SNTG1: variants seen among roughly 807,000 people sequenced by gnomAD.
SNTG1 encodes the protein syntrophin gamma 1.
In SNTG1, 39 loss-of-function variants were observed where a neutral mutation model predicts 74.7. That is an observed-to-expected ratio of 0.52 (90% confidence interval 0.40 to 0.68). SNTG1 has a LOEUF of 0.68. Ranked by LOEUF, SNTG1 falls within the 30% of genes least tolerant of loss-of-function variation. The pLI, the probability that SNTG1 is intolerant of heterozygous loss-of-function variation, is 0.00. For synonymous variants in SNTG1, 254 were observed against 217.1 expected, an observed-to-expected ratio of 1.17 and a Z score of -1.49; for missense variants, 685 against 609.5, an observed-to-expected ratio of 1.12 and a Z score of -1.30.
chr8:50,246,929 A>G (rs1563793764), intron 2 of SNTG1, among the ~76,000 whole-genome samples: 1 of 152,174 alleles, frequency 6.6e-6, no homozygotes. Context: ...CAATTCTTTA[A>G]GCAAATGCTT....
At chr8:50,690,014 A>G (rs1489186250) in intron 15 of SNTG1, among the ~76,000 whole-genome samples, 6 of 152,180 alleles carry the variant, frequency 3.9e-5, no homozygotes, top group Non-Finnish European at 8.8e-5. Context: ...CATTTCTTCT[A>G]GATTTTCTGA....
chr8:50,095,476 GGAAA>G (rs2079892754), intron 1 of SNTG1, among the ~76,000 whole-genome samples: 1 of 152,124 alleles, frequency 6.6e-6, no homozygotes, highest in South Asian at 2.1e-4. Context: ...GGCCTATTGA[GGAAA>G]AGGTAAAAGT....
At chr8:50,706,209 A>G (rs1362908964) in intron 16 of SNTG1, among the ~76,000 whole-genome samples, 19 of 152,142 alleles carry the variant, frequency 1.2e-4, no homozygotes, top group Admixed American at 1.2e-3. Context: ...ATGCACCTAA[A>G]AAGTCTTAAA....
rs1352101773 is a variant in SNTG1, at chr8:50,472,516, T to A, written c.363+21787T>A. ...CCATTGCATCATACCATATAAAAATTAACTCAAAATGGATGATTAAAGATC... is the reference window on the plus strand; with the variant it reads ...CCATTGCATCATACCATATAAAAATAAACTCAAAATGGATGATTAAAGATC... On this transcript the variant is annotated intron_variant, in intron 8 of 18. Coordinates refer to ENST00000642720, the MANE Select transcript of SNTG1 (RefSeq NM_018967.5). 2.0e-5 allele frequency among the ~76,000 whole-genome samples: 3 copies of A among 152,028 alleles called. No individual in the cohort carries two copies. The East Asian group carries it at 5.8e-4, about 29-fold the overall frequency.
At chr8:50,510,130 G>T (rs1448204502) in intron 9 of SNTG1, among the ~76,000 whole-genome samples, 1 of 152,146 alleles carries the variant, frequency 6.6e-6, no homozygotes, top group African/African-American at 2.4e-5. Context: ...ATGAAGGGTT[G>T]TTGAATTTTG....
intron 1 of SNTG1, among the ~76,000 whole-genome samples, chr8:49,953,226 T>C (rs917590637): frequency 6.6e-6 from 1 of 152,198 alleles, no homozygotes; most frequent in South Asian, 2.1e-4. Context: ...CAGACAGGGC[T>C]CTAACAGGAA....
chr8:50,631,820 A>G (rs1782949153), intron 13 of SNTG1, among the ~76,000 whole-genome samples: 1 of 152,176 alleles, frequency 6.6e-6, no homozygotes, highest in South Asian at 2.1e-4. Context: ...TTGCAGTTTA[A>G]TGGACTGACT....
intron 13 of SNTG1, among the ~76,000 whole-genome samples, chr8:50,640,085 A>G (rs1288716232): frequency 1.3e-5 from 2 of 152,210 alleles, no homozygotes; most frequent in African/African-American, 2.4e-5. Context: ...TGCAAAAGAA[A>G]ACTTAATTAG....
intron 18 of SNTG1, among the ~76,000 whole-genome samples, chr8:50,754,689 C>T (rs1442486223): frequency 2.6e-5 from 4 of 151,486 alleles, no homozygotes; most frequent in Non-Finnish European, 4.4e-5. Context: ...TTAATATTTG[C>T]CTATTTTTTA....
chr8:50,353,146 A>G (rs1043161450), intron 2 of SNTG1, among the ~76,000 whole-genome samples: 1 of 151,992 alleles, frequency 6.6e-6, no homozygotes, highest in East Asian at 1.9e-4. Flanking sequence ...TGAGCAAACT[A>G]TCGCAAGGAC....
intron 1 of SNTG1, among the ~76,000 whole-genome samples, chr8:50,069,077 G>A (rs889152316): frequency 1.3e-5 from 2 of 152,172 alleles, no homozygotes; most frequent in African/African-American, 4.8e-5. Flanking sequence ...TTATAAACTT[G>A]TATCCAGTAC....
chr8:50,624,337 T>C (rs1483878591), intron 13 of SNTG1, among the ~76,000 whole-genome samples: 1 of 113,214 alleles, frequency 8.8e-6, no homozygotes, highest in Non-Finnish European at 1.5e-5. Context: ...AAAAATTATA[T>C]TTTTTTTCAA....
chr8:50,621,043 C>A (rs1485165541), intron 13 of SNTG1, among the ~76,000 whole-genome samples: 1 of 144,434 alleles, frequency 6.9e-6, no homozygotes, highest in South Asian at 2.2e-4. Context: ...TTATGCAGGG[C>A]TGTAACCATA....
intron 17 of SNTG1, among the ~76,000 whole-genome samples, chr8:50,746,892 T>G (rs1355104113): frequency 6.7e-6 from 1 of 148,234 alleles, no homozygotes; most frequent in East Asian, 2.0e-4. Flanking sequence ...TATATACACA[T>G]ATGCTTTTTA....
chr8:50,256,472 A>T (rs2086888433), intron 2 of SNTG1, among the ~76,000 whole-genome samples: 1 of 152,008 alleles, frequency 6.6e-6, no homozygotes, highest in Admixed American at 6.6e-5. Flanking sequence ...TTTTTAACTA[A>T]TATGTTCTAA....
At chr8:50,071,376 A>G (rs61098678) in intron 1 of SNTG1, among the ~76,000 whole-genome samples, 1 of 151,948 alleles carries the variant, frequency 6.6e-6, no homozygotes, top group Non-Finnish European at 1.5e-5. Flanking sequence ...GGGTCTTGTT[A>G]TTTTTCCCAG....
chr8:49,963,951 G>T (rs965525136), intron 1 of SNTG1, among the ~76,000 whole-genome samples: 3 of 152,098 alleles, frequency 2.0e-5, no homozygotes, highest in Non-Finnish European at 4.4e-5. Flanking sequence ...GAGAAAAATA[G>T]CTTGCATCAA....
chr8:50,309,594 T>C (rs1434129129), intron 2 of SNTG1, among the ~76,000 whole-genome samples: 1 of 152,194 alleles, frequency 6.6e-6, no homozygotes, highest in African/African-American at 2.4e-5. Flanking sequence ...GTATCTTTCT[T>C]GGTAATAAAA....
chr8:49,991,370 G>T (rs534306089), intron 1 of SNTG1, among the ~76,000 whole-genome samples: 2 of 152,244 alleles, frequency 1.3e-5, no homozygotes, highest in South Asian at 4.1e-4. Flanking sequence ...AGCCATCTGT[G>T]AAAACACTCT....
Sources: gnomAD v4.1 joint callset for allele counts (sites outside exome capture counted in the v4.1 genomes callset) on GRCh38, gnomAD v4.1.1 for gene constraint, MANE v1.5 for transcripts, NCBI Gene and HGNC (gene_info 2026-07-23, HGNC 2026-07-21) for gene names.